Variants in KDM2A observed in about 807,000 individuals in gnomAD.
The protein encoded by KDM2A is lysine demethylase 2A.
KDM2A carries 3 observed loss-of-function variants against 137.3 expected under a neutral mutation model. That is an observed-to-expected ratio of 0.02 (90% CI 0.01 to 0.06). The LOEUF is 0.06. KDM2A is among the 10% of genes least tolerant of loss of function. The pLI is 1.00. For missense variants in KDM2A, 738 were observed against 1,510.6 expected (o/e 0.49, Z 8.48); for synonymous variants, 512 against 541.5 (o/e 0.95, Z 0.76).
intron 5 of KDM2A, among the ~76,000 whole-genome samples, chr11:67,204,727 G>A (rs938966041): frequency 3.3e-5 from 5 of 151,884 alleles, no homozygotes; most frequent in Middle Eastern, 3.2e-3. Flanking sequence ...TCCTGACCTC[G>A]TGATCCACCC....
chr11:67,153,040 A>G (rs1200217547), intron 2 of KDM2A, among the ~76,000 whole-genome samples: 1 of 151,530 alleles, frequency 6.6e-6, no homozygotes, highest in Non-Finnish European at 1.5e-5. Context: ...GCTAGAGTGA[A>G]ATGGCACGAT....
At chr11:67,120,754 T>G (rs1393839914) in intron 1 of KDM2A, among the ~76,000 whole-genome samples, 1 of 151,996 alleles carries the variant, frequency 6.6e-6, no homozygotes, top group Admixed American at 6.6e-5. Context: ...TGTTTTGGGG[T>G]CATTTAAATC....
chr11:67,241,170 A>G (rs1859029651), intron 12 of KDM2A, among the ~76,000 whole-genome samples: 1 of 151,958 alleles, frequency 6.6e-6, no homozygotes, highest in Non-Finnish European at 1.5e-5. Flanking sequence ...GGGGGAGGGG[A>G]GCCATGCACT....
At chr11:67,214,623 A>AG (rs1231450155) in intron 6 of KDM2A, among the ~76,000 whole-genome samples, 3 of 152,146 alleles carry the variant, frequency 2.0e-5, no homozygotes, top group African/African-American at 7.2e-5. Context: ...TACAGGTGTG[A>AG]GCCACTGATC....
At chr11:67,194,973 A>G (rs910422898) in intron 5 of KDM2A, among the ~76,000 whole-genome samples, 6 of 152,210 alleles carry the variant, frequency 3.9e-5, no homozygotes, top group African/African-American at 9.6e-5. Context: ...GGAATCCTCA[A>G]CTTTTAGAAT....
intron 12 of KDM2A, among the ~76,000 whole-genome samples, chr11:67,234,430 G>A (rs1380120738): frequency 2.0e-5 from 3 of 152,228 alleles, no homozygotes; most frequent in African/African-American, 7.2e-5. Flanking sequence ...AAAAGTGGTA[G>A]ATGAGATATT....
In KDM2A at chr11:67,245,159, A is replaced by T; in HGVS notation, c.1564-30A>T. On this transcript the variant is annotated intron_variant, in intron 13 of 20. Coordinates refer to ENST00000529006, the MANE Select transcript of KDM2A (RefSeq NM_012308.3). This position sits in a 1 kb window ranked among gnomAD's most constrained non-coding sequence, Gnocchi z 4.1. ...CTATCCAGTCTTAAAGCAACCTGAT[A>T]TATTTGACCTCACTGCTTTCTCTTT... The T allele has an allele frequency of 6.2e-7, 1 of 1,607,182 alleles. No individual in the cohort carries two copies. Among genetic ancestry groups the T allele is most frequent in the Non-Finnish European group, 8.5e-7 (1 of 1,176,022 alleles).
chr11:67,156,718 C>CAA (rs56973148), intron 2 of KDM2A, among the ~76,000 whole-genome samples: 6 of 90,874 alleles, frequency 6.6e-5, no homozygotes, highest in African/African-American at 1.6e-4. Flanking sequence ...GACTCCATCT[C>CAA]AAAAAAAAAA....
chr11:67,177,535 A>G (rs541883133), intron 2 of KDM2A, among the ~76,000 whole-genome samples: 2 of 152,244 alleles, frequency 1.3e-5, no homozygotes, highest in South Asian at 2.1e-4. Flanking sequence ...CGGGGTCATC[A>G]GTATCACAGA....
At chr11:67,241,253 C>T (rs1859032278) in intron 12 of KDM2A, among the ~76,000 whole-genome samples, 1 of 152,100 alleles carries the variant, frequency 6.6e-6, no homozygotes, top group Non-Finnish European at 1.5e-5. Context: ...AGAGCCTTGT[C>T]CCACGTGGCA....
intron 5 of KDM2A, among the ~76,000 whole-genome samples, chr11:67,200,082 GA>G (rs1370257152): frequency 6.6e-6 from 1 of 152,168 alleles, no homozygotes; most frequent in African/African-American, 2.4e-5. Context: ...ATGGTTTACT[GA>G]ATTTATTAAG....
chr11:67,217,571 G>A, intron 8 of KDM2A, 160 bp from the exon 9 acceptor site: 1 of 651,800 alleles, frequency 1.5e-6, no homozygotes, highest in Non-Finnish European at 2.7e-6. Flanking sequence ...TACTGCCTTG[G>A]ACCTTCTAGG....
intron 2 of KDM2A, among the ~76,000 whole-genome samples, chr11:67,150,435 G>A (rs1391501130): frequency 6.6e-6 from 1 of 152,144 alleles, no homozygotes; most frequent in African/African-American, 2.4e-5. Context: ...ATTCTCAAGT[G>A]TATTTAAATT....
At chr11:67,141,429 G>T (rs1856095349) in intron 2 of KDM2A, among the ~76,000 whole-genome samples, 1 of 151,714 alleles carries the variant, frequency 6.6e-6, no homozygotes, top group African/African-American at 2.4e-5. Context: ...CACTTTGGGA[G>T]GCCAAGGCGG....
At chr11:67,123,231 A>G (rs1386902074) in intron 2 of KDM2A, among the ~76,000 whole-genome samples, 3 of 141,258 alleles carry the variant, frequency 2.1e-5, no homozygotes, top group Non-Finnish European at 3.0e-5. Flanking sequence ...CCACCTTGGC[A>G]TCCCAAAGTG....
At chr11:67,226,247 A>G (rs1424339151) in intron 10 of KDM2A, among the ~76,000 whole-genome samples, 1 of 151,906 alleles carries the variant, frequency 6.6e-6, no homozygotes, top group South Asian at 2.1e-4. Flanking sequence ...ACAGAGCGAG[A>G]TTCCATCTCA....
At chr11:67,201,216 A>G (rs375389895) in intron 5 of KDM2A, among the ~76,000 whole-genome samples, 884 of 19,688 alleles carry the variant, frequency 0.045, 2 homozygotes, top group Non-Finnish European at 0.088. Flanking sequence ...ATATATATAT[A>G]TATGTGTGTG....
At chr11:67,201,218 A>ATGTGTGTGTGTGTG (rs61320277) in intron 5 of KDM2A, among the ~76,000 whole-genome samples, 1 of 145,462 alleles carries the variant, frequency 6.9e-6, no homozygotes, top group Admixed American at 7.0e-5. Context: ...ATATATATAT[A>ATGTGTGTGTGTGTG]TGTGTGTGTG....
intron 2 of KDM2A, among the ~76,000 whole-genome samples, chr11:67,128,251 C>A (rs1326983685): frequency 6.6e-6 from 1 of 152,038 alleles, no homozygotes; most frequent in African/African-American, 2.4e-5. Context: ...GATCCTCTCT[C>A]CTGCCTGGAG....
Sources: allele counts gnomAD v4.1 joint callset (sites outside exome capture counted in the v4.1 genomes callset), GRCh38; gene constraint gnomAD v4.1.1; non-coding constraint Gnocchi (gnomAD v3.1); transcripts MANE v1.5; gene names NCBI Gene and HGNC (gene_info 2026-07-23, HGNC 2026-07-21).